The following PAX3 variants were observed in gnomAD, a reference collection of about 807,000 sequenced individuals.
The protein encoded by PAX3 is paired box 3.
A neutral mutation model predicts 51.6 loss-of-function variants in PAX3; 14 were observed. That is an observed-to-expected ratio of 0.27 (90% CI 0.18 to 0.42). The LOEUF is 0.42. PAX3 is among the 10% of genes least tolerant of loss of function. The pLI is 1.00. For missense variants in PAX3, 540 were observed against 642.8 expected (o/e 0.84, Z 1.73); for synonymous variants, 280 against 253.4 (o/e 1.11, Z -1.00).
chr2:222,202,911 T>G (rs1691355255), intron 7 of PAX3, among the ~76,000 whole-genome samples: 1 of 150,456 alleles, frequency 6.6e-6, no homozygotes, highest in Non-Finnish European at 1.5e-5. Context: ...AAGCAGTGAA[T>G]GCTTGACACA....
intron 4 of PAX3, among the ~76,000 whole-genome samples, chr2:222,280,962 G>C (rs527321448): frequency 6.6e-6 from 1 of 152,150 alleles, no homozygotes; most frequent in Admixed American, 6.5e-5. Context: ...TTAGAGCTTG[G>C]CAGGGCCAGT....
chr2:222,226,845 T>C (rs1476049262), intron 5 of PAX3, among the ~76,000 whole-genome samples: 1 of 151,810 alleles, frequency 6.6e-6, no homozygotes, highest in East Asian at 2.0e-4. Flanking sequence ...TCTACTAGTT[T>C]TTAATTTGGG....
At chr2:222,225,671 G>A (rs1574653619) in intron 5 of PAX3, among the ~76,000 whole-genome samples, 1 of 152,280 alleles carries the variant, frequency 6.6e-6, no homozygotes, top group East Asian at 1.9e-4. Context: ...GTTTTCCCAT[G>A]TGCTAAACGG....
chr2:222,240,620 C>CA (rs1692976290), intron 4 of PAX3, among the ~76,000 whole-genome samples: 1 of 152,176 alleles, frequency 6.6e-6, no homozygotes, highest in African/African-American at 2.4e-5. Context: ...ACCACTCATA[C>CA]AAGCAACATT....
chr2:222,255,021 G>T (rs949768023), intron 4 of PAX3, among the ~76,000 whole-genome samples: 1 of 152,126 alleles, frequency 6.6e-6, no homozygotes, highest in Non-Finnish European at 1.5e-5. Flanking sequence ...GACCTCAAGT[G>T]ATCCACCTGC....
At chr2:222,271,645 T>C (rs923611358) in intron 4 of PAX3, among the ~76,000 whole-genome samples, 2 of 152,222 alleles carry the variant, frequency 1.3e-5, no homozygotes, top group African/African-American at 4.8e-5. Context: ...GTAAAGCATT[T>C]TGAAGTTTTT....
chr2:222,213,491 T>C (rs1249962598), intron 7 of PAX3, among the ~76,000 whole-genome samples: 1 of 152,184 alleles, frequency 6.6e-6, no homozygotes, highest in African/African-American at 2.4e-5. Context: ...TAAACATTCT[T>C]GAGCCTTCAC....
At chr2:222,272,518 G>T (rs1435167857) in intron 4 of PAX3, among the ~76,000 whole-genome samples, 1 of 152,140 alleles carries the variant, frequency 6.6e-6, no homozygotes, top group African/African-American at 2.4e-5. Context: ...TACCGTGTAT[G>T]GCTTTGGTTA....
chr2:222,206,740 A>C (rs1691526128), intron 7 of PAX3, among the ~76,000 whole-genome samples: 1 of 152,188 alleles, frequency 6.6e-6, no homozygotes. Context: ...GATAAAAACT[A>C]TGGGCCAAAT....
At chr2:222,202,717 T>G (rs541728556) in intron 7 of PAX3, among the ~76,000 whole-genome samples, 7 of 151,720 alleles carry the variant, frequency 4.6e-5, no homozygotes, top group Non-Finnish European at 8.8e-5. Flanking sequence ...TAGTGTTCCC[T>G]CTCAAGAAAG....
chr2:222,265,157 C>T (rs1050945486), intron 4 of PAX3: 1 of 152,130 alleles, frequency 6.6e-6, no homozygotes, highest in African/African-American at 2.4e-5. Flanking sequence ...TTATTAATCG[C>T]TATTTTCTCC....
At chr2:222,212,638 C>T (rs1253704854) in intron 7 of PAX3, among the ~76,000 whole-genome samples, 1 of 151,886 alleles carries the variant, frequency 6.6e-6, no homozygotes, top group South Asian at 2.1e-4. Flanking sequence ...CACACACACA[C>T]ACACACACAC....
rs532240083 is a variant in PAX3 at position 222,263,844 on chromosome 2, A to T, written c.586+30323T>A. Reference sequence around the variant, plus strand: ...ATTGACACATGCAATGACTTGGGTGAATCTCAAAGTAATTACACTGATTGA... The same window carrying T: ...ATTGACACATGCAATGACTTGGGTGTATCTCAAAGTAATTACACTGATTGA... On this transcript the variant is annotated intron_variant, in intron 4 of 8. Transcript: ENST00000392070. 11 of 152,360 alleles carry T rather than the reference A, an allele frequency of 7.2e-5. No homozygotes were observed. The South Asian group carries it at 2.1e-3, about 29-fold the overall frequency. 9.4% of individuals were successfully genotyped at this position (152,360 alleles called of 1,614,324 possible).
At chr2:222,276,353 AT>A (rs1345785073) in intron 4 of PAX3, among the ~76,000 whole-genome samples, 1 of 152,214 alleles carries the variant, frequency 6.6e-6, no homozygotes, top group African/African-American at 2.4e-5. Context: ...AGAAGGCTTC[AT>A]TTCCCACCTC....
At chr2:222,227,471 A>G (rs1692427848) in intron 5 of PAX3, among the ~76,000 whole-genome samples, 1 of 152,138 alleles carries the variant, frequency 6.6e-6, no homozygotes, top group South Asian at 2.1e-4. Flanking sequence ...ACAAGCCTGT[A>G]GTCTCGGCTA....
intron 5 of PAX3, chr2:222,221,673 A>G (rs1692198342): frequency 5.0e-6 from 2 of 400,682 alleles, no homozygotes; most frequent in Non-Finnish European, 4.7e-6. Context: ...AGTAGGAACA[A>G]CAGGAACTCC....
chr2:222,264,436 T>C (rs1361109969), intron 4 of PAX3: 1 of 152,238 alleles, frequency 6.6e-6, no homozygotes, highest in Non-Finnish European at 1.5e-5. Flanking sequence ...GTTTTCTTTT[T>C]GGGTGATTAA....
At chr2:222,206,832 C>A (rs1040454887) in intron 7 of PAX3, among the ~76,000 whole-genome samples, 4 of 152,098 alleles carry the variant, frequency 2.6e-5, no homozygotes, top group Non-Finnish European at 5.9e-5. Context: ...GTTGAAAGTG[C>A]CTGAAGCTTA....
chr2:222,231,220 C>G lies in PAX3; in HGVS notation c.792+858G>C, dbSNP rs115110246. Among the ~76,000 whole-genome samples, 623 of 152,250 alleles carry G rather than the reference C, an allele frequency of 4.1e-3. 7 individuals carry two copies. The highest frequency in any genetic ancestry group is 0.014 in the African/African-American group (584 of 41,542). ...ACTAGTCCACTGCTGAGTCCCCAGCCTGCAAATTAAGAATCTGGAAATAAC... is the reference window on the plus strand; with the variant it reads ...ACTAGTCCACTGCTGAGTCCCCAGCGTGCAAATTAAGAATCTGGAAATAAC... On this transcript the variant is annotated intron_variant, in intron 5 of 8. Coordinates refer to ENST00000392070, the MANE Select transcript of PAX3 (RefSeq NM_181458.4).
Sources: gnomAD v4.1 joint callset for allele counts (sites outside exome capture counted in the v4.1 genomes callset) on GRCh38, gnomAD v4.1.1 for gene constraint, MANE v1.5 for transcripts, NCBI Gene and HGNC (gene_info 2026-07-23, HGNC 2026-07-21) for gene names.